Variants in PWWP2A observed in about 807,000 individuals in gnomAD.
The protein encoded by PWWP2A is PWWP domain containing 2A.
A neutral mutation model predicts 48.5 loss-of-function variants in PWWP2A; 18 were observed. That is an observed-to-expected ratio of 0.37 (90% CI 0.26 to 0.55). PWWP2A has a LOEUF of 0.55. Among genes scored for constraint, PWWP2A ranks in the 20% least tolerant of loss-of-function variants. PWWP2A has a pLI of 0.81. For missense variants in PWWP2A, 867 were observed against 976.4 expected, an observed-to-expected ratio of 0.89 and a Z score of 1.49; for synonymous variants, 396 against 387.7, an observed-to-expected ratio of 1.02 and a Z score of -0.25.
chr5:160,049,739 C>T, the PWWP2A span: 2 of 1,206,264 alleles, frequency 1.7e-6, no homozygotes, highest in Non-Finnish European at 2.2e-6. Flanking sequence ...ATAATCCTTT[C>T]AGACACAATT....
the PWWP2A span, among the ~76,000 whole-genome samples, chr5:160,045,518 ACACTCTCTCTCT>A: frequency 1.0e-3 from 69 of 65,734 alleles, 2 homozygotes; most frequent in African/African-American, 4.8e-3. Context: ...ACACACATAC[ACACTCTCTCTCT>A]CTCTCTCTCT....
chr5:160,049,493 T>C, the PWWP2A span: 2 of 1,548,566 alleles, frequency 1.3e-6, no homozygotes, highest in Non-Finnish European at 1.7e-6. Flanking sequence ...GTGATAAAAA[T>C]TATTTCTTCT....
intron 1 of PWWP2A, among the ~76,000 whole-genome samples, chr5:160,097,475 C>CA (rs1224344224): frequency 6.8e-6 from 1 of 147,354 alleles, no homozygotes; most frequent in African/African-American, 2.5e-5. Flanking sequence ...ACTAAAAATA[C>CA]AAAAATTAGC....
At chr5:160,075,805 TAAAAAAAAA>T (rs58558222), downstream of PWWP2A, 1 of 69,840 alleles carries the variant, frequency 1.4e-5, no homozygotes. Flanking sequence ...ATTCTAATAG[TAAAAAAAAA>T]AAAAAAAAAA....
downstream of PWWP2A, chr5:160,090,240 T>C: frequency 6.1e-6 from 6 of 985,302 alleles, no homozygotes; most frequent in Non-Finnish European, 7.2e-6. Flanking sequence ...CAACAGCACA[T>C]TTACCAAGCA....
chr5:160,093,952 C>T lies in PWWP2A; in HGVS notation c.698G>A (p.Cys233Tyr), dbSNP rs772239378. The change falls in exon 2 of 2, where the codon TGT becomes TAT. Residue 233 changes from cysteine to tyrosine, a missense_variant. Cys to Tyr is a radical substitution (Grantham distance 194). Around this residue, in one of 4 missense-constraint regions of PWWP2A, gnomAD observed 385 missense variants for 396.9 expected, o/e 0.97. Coordinates refer to ENST00000307063, the MANE Select transcript of PWWP2A (RefSeq NM_001130864.2). This position sits in a 1 kb window ranked among gnomAD's most constrained non-coding sequence, Gnocchi z 5.8. The stretch of plus-strand genomic sequence containing the variant: ...ATCGGGAACAGCACCATTTGCTTCA[C>T]ACTTGACTTCTGTCCCTTCTTGGAA... ...NTFQEGTEVKCEANGAVPDDP... is the reference protein window; with the variant it reads ...NTFQEGTEVKYEANGAVPDDP... 1.5e-5 allele frequency: 25 copies of T among 1,614,050 alleles called. 1 individual carries two copies. In the South Asian group the frequency reaches 2.6e-4, roughly 17 times the overall value.
chr5:160,110,463 T>C (rs113093503), intron 1 of PWWP2A, among the ~76,000 whole-genome samples: 1,663 of 152,182 alleles, frequency 0.011, 31 homozygotes, highest in African/African-American at 0.038. Context: ...TCCCAGCACT[T>C]TGGGAGGCCG....
chr5:160,051,036 T>G, the PWWP2A span: 1 of 987,792 alleles, frequency 1.0e-6, no homozygotes, highest in Non-Finnish European at 1.5e-6. Context: ...ATTTCCACAT[T>G]AGGATTCTTG....
Position 160,093,330 on chromosome 5 carries a change from T to C in PWWP2A, c.1320A>G (p.Gln440=), listed in dbSNP as rs772627833. The change falls in exon 2 of 2, where the codon CAA becomes CAG. Residue 440 remains glutamine (Q), a synonymous_variant. Transcript: ENST00000307063. The surrounding 1 kb of genome is among the most constrained non-coding windows in gnomAD (Gnocchi z 5.8). ...EVLKIAKEKA[Q]KKQNETSTSK... ...AAGTAGAGGTTTCATTTTGCTTCTT[T>C]TGTGCCTTTTCTTTGGCAATTTTTA... 3.1e-6 allele frequency: 5 copies of C among 1,613,816 alleles called. No individual in the cohort carries two copies. The highest frequency in any genetic ancestry group is 4.2e-6 in the Non-Finnish European group (5 of 1,179,838).
At chr5:160,067,204 A>G (rs1753633803) in intron 2 of PWWP2A, among the ~76,000 whole-genome samples, 3 of 152,190 alleles carry the variant, frequency 2.0e-5, no homozygotes, top group African/African-American at 4.8e-5. Flanking sequence ...TCCTGAGATC[A>G]CAGTGCAGTC....
the PWWP2A span, among the ~76,000 whole-genome samples, chr5:160,051,394 T>C: frequency 6.6e-6 from 1 of 152,206 alleles, no homozygotes; most frequent in East Asian, 1.9e-4. Flanking sequence ...TTTGATTTTC[T>C]TGGAAATTTT....
rs1561672888 is a variant in PWWP2A at position 160,093,940 on chromosome 5, C to A, written c.710G>T (p.Gly237Val). The A allele has an allele frequency of 6.2e-7, 1 of 1,614,024 alleles. No individual in the cohort carries two copies. The highest frequency in any genetic ancestry group is 2.2e-5 in the East Asian group (1 of 44,888). Residue 237 changes from glycine (G) to valine (V), a missense_variant, in exon 2 of 2, where the codon GGT becomes GTT. Gly to Val is a moderately radical substitution (Grantham distance 109). This residue lies in a region of PWWP2A where 385 missense variants were observed against 396.9 expected (regional missense o/e 0.97). Transcript: ENST00000307063. The surrounding 1 kb of genome is among the most constrained non-coding windows in gnomAD (Gnocchi z 5.8). ...AGGAGAAGGGTCATCGGGAACAGCA[C>A]CATTTGCTTCACACTTGACTTCTGT... is the stretch of plus-strand genomic sequence containing the variant. ...EGTEVKCEANGAVPDDPSPVP... is the reference protein window; with the variant it reads ...EGTEVKCEANVAVPDDPSPVP...
intron 1 of PWWP2A, among the ~76,000 whole-genome samples, chr5:160,107,023 A>T (rs113926062): frequency 0.011 from 1,657 of 152,030 alleles, 32 homozygotes; most frequent in African/African-American, 0.038. Flanking sequence ...ACAGGGCTTC[A>T]CCATGTTGGC....
At chr5:160,089,397 C>G (rs4590210), downstream of PWWP2A, 260,725 of 389,074 alleles carry the variant, frequency 0.67, 87,841 homozygotes, top group East Asian at 0.73. Flanking sequence ...GAGATGGCAG[C>G]GGGGACGGGG....
chr5:160,104,740 G>A (rs1361915720), intron 1 of PWWP2A, among the ~76,000 whole-genome samples: 1 of 152,104 alleles, frequency 6.6e-6, no homozygotes, highest in Non-Finnish European at 1.5e-5. Flanking sequence ...AGGAGGCAGA[G>A]TTTGCAGTGA....
At chr5:160,108,684 CT>C in intron 1 of PWWP2A, 1 of 830,802 alleles carries the variant, frequency 1.2e-6, no homozygotes, top group Non-Finnish European at 1.7e-6. Context: ...CTACAAATTG[CT>C]TTCAAGAACT....
intron 4 of PWWP2A, among the ~76,000 whole-genome samples, chr5:160,065,900 G>T (rs1345711211): frequency 1.3e-5 from 2 of 152,160 alleles, no homozygotes; most frequent in East Asian, 3.8e-4. Flanking sequence ...GAACCTAGAG[G>T]TGTCAAAGAT....
At chr5:160,104,100 GC>G in intron 1 of PWWP2A, among the ~76,000 whole-genome samples, 1 of 121,744 alleles carries the variant, frequency 8.2e-6, no homozygotes, top group East Asian at 2.8e-4. Context: ...TCCAGCCTGG[GC>G]AACAGAGTGA....
rs1389030411 is a variant in PWWP2A at position 160,077,067 on chromosome 5, A to G, written c.*1088T>C. 8.2e-6 allele frequency: 1 copy of G among 122,136 alleles called. No homozygotes were observed. Among genetic ancestry groups the G allele is most frequent in the East Asian group, 2.5e-4 (1 of 4,070 alleles). 7.6% of individuals were successfully genotyped at this position (122,136 alleles called of 1,614,324 possible). On this transcript the variant is annotated 3_prime_UTR_variant, in exon 4 of 4. Transcript: ENST00000456329. The surrounding 1 kb of genome is among the most constrained non-coding windows in gnomAD (Gnocchi z 4.2). ...AAAAAGAAAAATTAAGGTCTTTTAT[A>G]TATTTACCAAAGACAAGAAAAAAAC...
Sources: allele counts gnomAD v4.1 joint callset (sites outside exome capture counted in the v4.1 genomes callset), GRCh38; gene constraint gnomAD v4.1.1; regional missense constraint gnomAD v4.1.1; non-coding constraint Gnocchi (gnomAD v3.1); transcripts MANE v1.5; gene names NCBI Gene and HGNC (gene_info 2026-07-23, HGNC 2026-07-21).